The following TECRL variants were observed in gnomAD, a reference collection of about 807,000 sequenced individuals.
The protein encoded by TECRL is trans-2,3-enoyl-CoA reductase-like.
In TECRL, 63 loss-of-function variants were observed where a neutral mutation model predicts 52.8. The observed-to-expected ratio is 1.19, with a 90% CI of 0.97 to 1.47. The LOEUF (loss-of-function observed/expected upper bound fraction) is 1.47. Among genes scored for constraint, TECRL ranks in the 40% most tolerant of loss-of-function variants. TECRL has a pLI of 0.00. For synonymous variants in TECRL, 164 were observed against 141.9 expected (o/e 1.16, Z -1.10); for missense variants, 482 against 429.6 (o/e 1.12, Z -1.08).
chr4:64,399,462 T>G (rs2109774785), intron 1 of TECRL, among the ~76,000 whole-genome samples: 1 of 152,260 alleles, frequency 6.6e-6, no homozygotes. Flanking sequence ...TTTGTGTAAC[T>G]AAGAAGAAGG....
intron 1 of TECRL, among the ~76,000 whole-genome samples, chr4:64,379,620 C>A (rs539988294): frequency 6.6e-6 from 1 of 152,038 alleles, no homozygotes; most frequent in Non-Finnish European, 1.5e-5. Context: ...TTAACTAACC[C>A]CTCTTCATTC....
chr4:64,391,046 A>C (rs1723513612), intron 1 of TECRL, among the ~76,000 whole-genome samples: 1 of 151,842 alleles, frequency 6.6e-6, no homozygotes, highest in Admixed American at 6.6e-5. Context: ...GCCACTAAAA[A>C]TGATTGCATT....
intron 2 of TECRL, among the ~76,000 whole-genome samples, chr4:64,371,285 TATC>T (rs1480586401): frequency 1.3e-5 from 2 of 151,104 alleles, no homozygotes; most frequent in African/African-American, 2.4e-5. Flanking sequence ...ACAATTACCT[TATC>T]ATTATAATTA....
At chr4:64,397,936 A>C (rs1724072628) in intron 1 of TECRL, 3 of 151,296 alleles carry the variant, frequency 2.0e-5, no homozygotes, top group Admixed American at 2.0e-4. Flanking sequence ...GATAGTTTCA[A>C]GTGTGTCCTA....
At chr4:64,378,188 C>G (rs1321385534) in intron 1 of TECRL, among the ~76,000 whole-genome samples, 1 of 151,838 alleles carries the variant, frequency 6.6e-6, no homozygotes, top group African/African-American at 2.4e-5. Context: ...TTTGAAGACA[C>G]AAGGAAGAAA....
chr4:64,363,296 C>T (rs1224780495), intron 2 of TECRL, among the ~76,000 whole-genome samples: 1 of 152,086 alleles, frequency 6.6e-6, no homozygotes, highest in Non-Finnish European at 1.5e-5. Context: ...AGAAAACTAA[C>T]AAAGATATTC....
At chr4:64,320,362 T>G (rs1717816872) in intron 4 of TECRL, among the ~76,000 whole-genome samples, 1 of 151,944 alleles carries the variant, frequency 6.6e-6, no homozygotes, top group Non-Finnish European at 1.5e-5. Flanking sequence ...ATGTCATATG[T>G]GGTAAAACAT....
intron 1 of TECRL, among the ~76,000 whole-genome samples, chr4:64,389,874 C>A (rs968171341): frequency 6.6e-6 from 1 of 151,620 alleles, no homozygotes; most frequent in Non-Finnish European, 1.5e-5. Flanking sequence ...TTGTTCTATC[C>A]CTCCTCTTTA....
chr4:64,407,478 A>G (rs1014282973), intron 1 of TECRL, among the ~76,000 whole-genome samples: 95 of 142,500 alleles, frequency 6.7e-4, no homozygotes, highest in Non-Finnish European at 1.3e-3. Flanking sequence ...ATTAGGAACT[A>G]ATTGGCATGT....
At chr4:64,370,147 G>A (rs907933164) in intron 2 of TECRL, among the ~76,000 whole-genome samples, 2 of 151,808 alleles carry the variant, frequency 1.3e-5, no homozygotes, top group Non-Finnish European at 2.9e-5. Flanking sequence ...AAAGAAAAAT[G>A]TTTTAAAGGT....
At chr4:64,362,946 C>T (rs368297448) in intron 2 of TECRL, among the ~76,000 whole-genome samples, 1 of 151,428 alleles carries the variant, frequency 6.6e-6, no homozygotes, top group Non-Finnish European at 1.5e-5. Context: ...GTTCAAGAGA[C>T]CCATCTCATA....
At chr4:64,277,018 C>T (rs1722596644), downstream of TECRL, 2 of 1,495,326 alleles carry the variant, frequency 1.3e-6, no homozygotes, top group South Asian at 1.3e-5. Flanking sequence ...ATTTGTCAGG[C>T]TTTTTCTTTT....
intron 2 of TECRL, among the ~76,000 whole-genome samples, chr4:64,364,085 T>C (rs2109626799): frequency 6.6e-6 from 1 of 151,898 alleles, no homozygotes; most frequent in South Asian, 2.1e-4. Flanking sequence ...AAAATAAAAA[T>C]AGAAATCAAC....
chr4:64,334,349 T>A (rs1314203843), intron 2 of TECRL, among the ~76,000 whole-genome samples: 1 of 152,200 alleles, frequency 6.6e-6, no homozygotes, highest in Non-Finnish European at 1.5e-5. Flanking sequence ...TTATTCTCTG[T>A]AAACCATTTC....
intron 6 of TECRL, among the ~76,000 whole-genome samples, chr4:64,307,112 CT>C (rs1724384909): frequency 6.6e-6 from 1 of 152,132 alleles, no homozygotes; most frequent in Non-Finnish European, 1.5e-5. Context: ...GAAGAAGGGG[CT>C]AGTTTTGGAG....
chr4:64,313,519 T>TC (rs1317651002), intron 5 of TECRL, among the ~76,000 whole-genome samples: 1 of 126,132 alleles, frequency 7.9e-6, no homozygotes, highest in Admixed American at 1.0e-4. Context: ...TCTTTCTCTG[T>TC]CCCCCAGGCC....
chr4:64,315,215 G>C (rs1717413491), intron 4 of TECRL, among the ~76,000 whole-genome samples: 1 of 151,716 alleles, frequency 6.6e-6, no homozygotes, highest in Non-Finnish European at 1.5e-5. Flanking sequence ...TGAATCCATT[G>C]ATTTGACTCT....
rs1717283214 is a variant in TECRL, at chr4:64,314,011, A to G, written c.551+637T>C. On this transcript the variant is annotated intron_variant, in intron 5 of 11. Coordinates refer to ENST00000381210, the MANE Select transcript of TECRL (RefSeq NM_001010874.5). ...AAAAAAAAAAAAAAATTAGCTGAGCATTGTGGCAAGCACCTGTAGTCCCAG... is the reference window on the plus strand; with the variant it reads ...AAAAAAAAAAAAAAATTAGCTGAGCGTTGTGGCAAGCACCTGTAGTCCCAG... Among the ~76,000 whole-genome samples, 4 of 146,222 alleles carry G rather than the reference A, an allele frequency of 2.7e-5. No homozygotes were observed. The South Asian group carries it at 8.8e-4, about 32-fold the overall frequency.
intron 7 of TECRL, 111 bp downstream of exon 7, chr4:64,305,055 T>A: frequency 1.3e-6 from 1 of 748,746 alleles, no homozygotes. Flanking sequence ...ATGAAAGCAA[T>A]TTAAAATGAA....
Sources: allele counts gnomAD v4.1 joint callset (sites outside exome capture counted in the v4.1 genomes callset), GRCh38; gene constraint gnomAD v4.1.1; transcripts MANE v1.5; gene names NCBI Gene and HGNC (gene_info 2026-07-23, HGNC 2026-07-21).